ZEB1: variants seen among roughly 807,000 people sequenced by gnomAD.
ZEB1 encodes zinc finger E-box-binding homeobox 1.
Under a neutral mutation model 84.9 loss-of-function variants are expected in ZEB1, and 21 were observed. The ratio of observed to expected loss-of-function variants is 0.25; its 90% CI spans 0.18 to 0.36. The LOEUF is 0.36. ZEB1 is among the 10% of genes least tolerant of loss of function. The probability of loss-of-function intolerance (pLI) is 1.00; values close to 1 mark genes in which losing one functional copy is unlikely to be tolerated. For synonymous variants in ZEB1, 420 were observed against 471.1 expected, an observed-to-expected ratio of 0.89 and a Z score of 1.41; for missense variants, 1,104 against 1,330.2, an observed-to-expected ratio of 0.83 and a Z score of 2.65.
At chr10:31,415,444 C>T (rs1186387829) in intron 1 of ZEB1, among the ~76,000 whole-genome samples, 2 of 151,958 alleles carry the variant, frequency 1.3e-5, no homozygotes, top group African/African-American at 4.8e-5. Context: ...GTGGTGGAAT[C>T]ACATATATTT....
At chr10:31,319,122 G>GTCGTAAA (rs1426449128), upstream of ZEB1, 1 of 718,448 alleles carries the variant, frequency 1.4e-6, no homozygotes, top group Non-Finnish European at 2.4e-6. Context: ...AGCCGGGAGT[G>GTCGTAAA]TCGTAAACCA....
chr10:31,343,756 TTAG>T (rs1405117652), intron 1 of ZEB1, among the ~76,000 whole-genome samples: 1 of 152,152 alleles, frequency 6.6e-6, no homozygotes, highest in Non-Finnish European at 1.5e-5. Flanking sequence ...GCTTTAAATC[TTAG>T]TAGGCAGCAG....
chr10:31,332,450 C>A (rs115241218), intron 1 of ZEB1, among the ~76,000 whole-genome samples: 6 of 152,092 alleles, frequency 3.9e-5, no homozygotes, highest in Admixed American at 2.6e-4. Flanking sequence ...TTCACTATTA[C>A]TAGTTAATTT....
intron 1 of ZEB1, among the ~76,000 whole-genome samples, chr10:31,340,655 T>C (rs1188083744): frequency 6.6e-6 from 1 of 152,102 alleles, no homozygotes; most frequent in Non-Finnish European, 1.5e-5. Context: ...GGTCTATACT[T>C]AGGGAGTTCA....
intron 1 of ZEB1, among the ~76,000 whole-genome samples, chr10:31,427,084 TAAAA>T (rs1025221879): frequency 6.7e-6 from 1 of 148,376 alleles, no homozygotes; most frequent in Non-Finnish European, 1.5e-5. Flanking sequence ...AAAATATGTT[TAAAA>T]AAAAAACCCG....
chr10:31,492,763 T>C (rs1257243607), intron 2 of ZEB1, among the ~76,000 whole-genome samples: 1 of 151,936 alleles, frequency 6.6e-6, no homozygotes, highest in East Asian at 1.9e-4. Context: ...TAAACTATGT[T>C]ATCCTGCAAA....
intron 1 of ZEB1, chr10:31,372,881 A>G (rs1295610642): frequency 9.7e-6 from 5 of 513,692 alleles, no homozygotes; most frequent in Non-Finnish European, 1.3e-5. Flanking sequence ...CTTTTATTAT[A>G]GCATGTCTTC....
intron 1 of ZEB1, among the ~76,000 whole-genome samples, chr10:31,458,905 T>C (rs1049685845): frequency 2.6e-5 from 4 of 152,142 alleles, no homozygotes; most frequent in African/African-American, 4.8e-5. Flanking sequence ...CCTTGACTTA[T>C]GAATTATGAT....
At chr10:31,436,198 CAA>C (rs1213778606) in intron 1 of ZEB1, among the ~76,000 whole-genome samples, 1 of 152,064 alleles carries the variant, frequency 6.6e-6, no homozygotes, top group Non-Finnish European at 1.5e-5. Context: ...AATTTCGAAT[CAA>C]GAGAACAAAA....
intron 1 of ZEB1, among the ~76,000 whole-genome samples, chr10:31,346,179 C>T (rs2040279240): frequency 6.6e-6 from 1 of 152,128 alleles, no homozygotes. Context: ...CACTGTAGCT[C>T]ATCTGCTTTG....
chr10:31,443,353 T>G (rs1005844358), intron 1 of ZEB1, among the ~76,000 whole-genome samples: 1 of 152,156 alleles, frequency 6.6e-6, no homozygotes, highest in Non-Finnish European at 1.5e-5. Context: ...GGGTTTCATT[T>G]CATGCTTATA....
intron 2 of ZEB1, among the ~76,000 whole-genome samples, 170 bp from the exon 3 acceptor site, chr10:31,495,606 T>C (rs1388483979): frequency 6.6e-6 from 1 of 152,098 alleles, no homozygotes; most frequent in African/African-American, 2.4e-5. Context: ...AATCTTTTAT[T>C]GATATATAAT....
At chr10:31,429,733 CTT>C (rs35031058) in intron 1 of ZEB1, among the ~76,000 whole-genome samples, 1,956 of 79,030 alleles carry the variant, frequency 0.025, 16 homozygotes, top group African/African-American at 0.092. Flanking sequence ...ACAGGCAGAA[CTT>C]TTTTTTTTTT....
intron 1 of ZEB1, among the ~76,000 whole-genome samples, chr10:31,457,827 G>A (rs573629534): frequency 6.6e-6 from 1 of 152,204 alleles, no homozygotes; most frequent in East Asian, 1.9e-4. Flanking sequence ...ATGTCTTAAA[G>A]CCTAATTTGG....
chr10:31,406,452 GT>G (rs151223606), intron 1 of ZEB1, among the ~76,000 whole-genome samples: 9,138 of 146,048 alleles, frequency 0.063, 727 homozygotes, highest in African/African-American at 0.18. Context: ...GTGATGATGA[GT>G]TTTTTTTTTT....
intron 1 of ZEB1, among the ~76,000 whole-genome samples, chr10:31,369,636 A>G (rs900528080): frequency 1.3e-5 from 2 of 152,160 alleles, no homozygotes; most frequent in Non-Finnish European, 2.9e-5. Flanking sequence ...TATCCTGGCT[A>G]TTGTAAATAA....
chr10:31,436,660 A>G (rs973607746), intron 1 of ZEB1, among the ~76,000 whole-genome samples: 1 of 152,208 alleles, frequency 6.6e-6, no homozygotes, highest in Non-Finnish European at 1.5e-5. Context: ...AGCACTGAAT[A>G]TGTAATAAGC....
chr10:31,433,951 A>G (rs189922402), intron 1 of ZEB1, among the ~76,000 whole-genome samples: 63 of 152,358 alleles, frequency 4.1e-4, no homozygotes, highest in African/African-American at 1.4e-3. Context: ...AATGGAGGAA[A>G]GAAATTGCTT....
intron 1 of ZEB1, chr10:31,387,677 C>T (rs577363240): frequency 1.1e-6 from 1 of 873,322 alleles, no homozygotes; most frequent in African/African-American, 1.8e-5. Context: ...TGAAGAATTA[C>T]TTTTCATGAT....
Sources: allele counts gnomAD v4.1 joint callset (sites outside exome capture counted in the v4.1 genomes callset), GRCh38; gene constraint gnomAD v4.1.1; transcripts MANE v1.5; gene names NCBI Gene and HGNC (gene_info 2026-07-23, HGNC 2026-07-21).